Variants in FRAS1 observed in about 807,000 individuals in gnomAD.
The protein encoded by FRAS1 is Fraser extracellular matrix complex subunit 1, also known as extracellular matrix organizing protein FRAS1.
A neutral mutation model predicts 435.2 loss-of-function variants in FRAS1; 290 were observed. That is an observed-to-expected ratio of 0.67 (90% confidence interval 0.61 to 0.73). The LOEUF is 0.73. Ranked by LOEUF, FRAS1 falls within the 30% of genes least tolerant of loss-of-function variation. The pLI, the probability that FRAS1 is intolerant of heterozygous loss-of-function variation, is 0.00. For synonymous variants in FRAS1, 1,800 were observed against 1,851.0 expected, an observed-to-expected ratio of 0.97 and a Z score of 0.71; for missense variants, 4,860 against 5,001.5, an observed-to-expected ratio of 0.97 and a Z score of 0.85.
intron 3 of FRAS1, among the ~76,000 whole-genome samples, chr4:78,241,059 G>C (rs1176716979): frequency 6.6e-6 from 1 of 152,140 alleles, no homozygotes; most frequent in Non-Finnish European, 1.5e-5. Flanking sequence ...GGGGAGCGGA[G>C]ACTGTATTGC....
intron 14 of FRAS1, among the ~76,000 whole-genome samples, chr4:78,297,861 G>A (rs345505): frequency 0.039 from 5,961 of 152,050 alleles, 378 homozygotes; most frequent in African/African-American, 0.14. Context: ...GAGATAAGCT[G>A]TGGTAGCATA....
In FRAS1 at chr4:78,521,528, C is replaced by G; in HGVS notation, c.10546C>G (p.Gln3516Glu). Reference protein sequence around the residue: ...YDTVLWRTGIQTDSVLSARLQ... With the variant: ...YDTVLWRTGIETDSVLSARLQ... ...CTCTCTGCTTTCCTGCCCAGGAATC[C>G]AGACAGACAGCGTGCTCTCTGCAAG... Residue 3516 changes from glutamine (Q) to glutamate (E), a missense_variant, in exon 68 of 74, where the codon CAG (glutamine) becomes GAG (glutamate). Physicochemically the swap from Gln to Glu is conservative, Grantham distance 29 (BLOSUM62 2). Transcript: ENST00000512123. 2 of 1,608,002 alleles carry G rather than the reference C, an allele frequency of 1.2e-6. No homozygotes were observed. The highest frequency in any genetic ancestry group is 1.7e-6 in the Non-Finnish European group (2 of 1,177,224).
intron 20 of FRAS1, among the ~76,000 whole-genome samples, chr4:78,346,464 A>T (rs1388473899): frequency 5.3e-5 from 8 of 152,180 alleles, no homozygotes; most frequent in Admixed American, 4.6e-4. Context: ...CTGGGCTCTG[A>T]ATCCAAGGAG....
chr4:78,354,470 T>G (rs1730771908), intron 20 of FRAS1, among the ~76,000 whole-genome samples: 1 of 152,144 alleles, frequency 6.6e-6, no homozygotes, highest in South Asian at 2.1e-4. Flanking sequence ...GGGAAAGAGA[T>G]AGGATGCTTC....
At position 78,508,916 on chromosome 4, in the gene FRAS1, G is replaced by A. The variant is rs769379523; in HGVS notation, c.9690G>A (p.Trp3230Ter). 6.2e-7 allele frequency: 1 copy of A among 1,613,934 alleles called. No homozygotes were observed. Among genetic ancestry groups the A allele is most frequent in the Non-Finnish European group, 8.5e-7 (1 of 1,179,892 alleles). ...ACCAGACATCTGTGCAGTTCAGCTG[G>A]GAAGTGGCTGCCCCCACTGATGGCA... Reference protein sequence around the residue: ...GINQTSVQFSWEVAAPTDGNG... With the variant: ...GINQTSVQFS Residue 3230 changes from tryptophan (W) to a stop codon, truncating the protein, a stop_gained, in exon 63 of 74, where the codon TGG (tryptophan) becomes TGA (stop). Transcript: ENST00000512123. LOFTEE classifies it high-confidence loss of function.
chr4:78,259,873 T>C (rs1462139037), intron 6 of FRAS1, among the ~76,000 whole-genome samples: 2 of 152,142 alleles, frequency 1.3e-5, no homozygotes, highest in African/African-American at 4.8e-5. Context: ...CCATCTTGAA[T>C]TGATTTTTGT....
Position 78,308,226 on chromosome 4 carries a change from G to C in FRAS1, c.1678+17G>C. ...CCTGTAGCGGTGAGTGCTGGGTTGC[G>C]ATGCTGACGTGTCCTTTCCTTTTTC... is the stretch of plus-strand genomic sequence containing the variant. On this transcript the variant is annotated intron_variant, in intron 15 of 73. Coordinates refer to ENST00000512123, the MANE Select transcript of FRAS1 (RefSeq NM_025074.7). The C allele has an allele frequency of 6.2e-7, 1 of 1,609,708 alleles. No homozygotes were observed. The highest frequency in any genetic ancestry group is 8.5e-7 in the Non-Finnish European group (1 of 1,177,344).
intron 29 of FRAS1, among the ~76,000 whole-genome samples, chr4:78,392,309 G>A (rs1732479437): frequency 6.6e-6 from 1 of 152,090 alleles, no homozygotes; most frequent in Admixed American, 6.6e-5. Flanking sequence ...TACAGAACAA[G>A]TAAAATTATA....
chr4:78,187,878 C>A (rs1295791135), intron 2 of FRAS1, among the ~76,000 whole-genome samples: 1 of 152,196 alleles, frequency 6.6e-6, no homozygotes, highest in African/African-American at 2.4e-5. Context: ...GCTAGGATTG[C>A]AGGCATGAGC....
At chr4:78,406,064 T>G (rs1165474691) in intron 30 of FRAS1, among the ~76,000 whole-genome samples, 1 of 152,186 alleles carries the variant, frequency 6.6e-6, no homozygotes, top group Admixed American at 6.5e-5. Flanking sequence ...CCAATAAAGT[T>G]TAAAGAATGA....
At chr4:78,446,132 T>C in intron 42 of FRAS1, 1 of 1,026,648 alleles carries the variant, frequency 9.7e-7, no homozygotes, top group Non-Finnish European at 1.2e-6. Context: ...CTGTATTTAT[T>C]CTCATTTGAG....
chr4:78,120,753 TAG>T lies in FRAS1; in HGVS notation c.108+54740_108+54741del, dbSNP rs545126588. ...ATAATGATTCACTGCCCGTGAATCA[TAG>T]AGTCTTAGGACACTTAAGCCCAATT... On this transcript the variant is annotated intron_variant, in intron 2 of 73. Transcript: ENST00000512123. Among the ~76,000 whole-genome samples the T allele has an allele frequency of 6.8e-4, 103 of 152,328 alleles. 3 individuals are homozygous for T. Among genetic ancestry groups the T allele is most frequent in the African/African-American group, 2.4e-3 (101 of 41,572 alleles).
chr4:78,098,599 G>C (rs1226522000), intron 2 of FRAS1, among the ~76,000 whole-genome samples: 1 of 152,018 alleles, frequency 6.6e-6, no homozygotes, highest in Non-Finnish European at 1.5e-5. Flanking sequence ...TCTCTTCAAG[G>C]CACCAGATCC....
rs11453256 is a variant in FRAS1 at position 78,284,229 on chromosome 4, A to ATTTTTTTTT, written c.1256-161_1256-153dup. Reference sequence around the variant, plus strand: ...TCCTTGCAATCTTGCATTGGAATGTATTTTTTTTTTTTTTTTTTTTTTTGC... The same window carrying ATTTTTTTTT: ...TCCTTGCAATCTTGCATTGGAATGTATTTTTTTTTTTTTTTTTTTTTTTTTTTTTTTTGC... On this transcript the variant is annotated intron_variant, in intron 12 of 73. Coordinates refer to ENST00000512123, the MANE Select transcript of FRAS1 (RefSeq NM_025074.7). Among the ~76,000 whole-genome samples the ATTTTTTTTT allele has an allele frequency of 3.2e-3, 254 of 80,440 alleles. 1 individual carries two copies. The highest frequency in any genetic ancestry group is 3.4e-3 in the East Asian group (9 of 2,640). 52.8% of individuals were successfully genotyped at this position (80,440 alleles called of 152,430 possible).
chr4:78,448,174 C>T lies in FRAS1; in HGVS notation c.6132C>T (p.Val2044=), dbSNP rs977610760. The change falls in exon 44 of 74, where the codon GTC becomes GTT. Residue 2044 remains valine (V), a synonymous_variant. Coordinates refer to ENST00000512123, the MANE Select transcript of FRAS1 (RefSeq NM_025074.7). ...GGCTGGTTGGGTATGTGCCTAGTGTCCCTGGCATGGTCGTGGATGAGTTCC... is the reference window on the plus strand; with the variant it reads ...GGCTGGTTGGGTATGTGCCTAGTGTTCCTGGCATGGTCGTGGATGAGTTCC... ...LAGLVGYVPS[V]PGMVVDEFQF... 1.4e-5 allele frequency: 23 copies of T among 1,613,508 alleles called. No individual in the cohort carries two copies. Among genetic ancestry groups the T allele is most frequent in the Non-Finnish European group, 1.9e-5 (23 of 1,179,834 alleles).
intron 67 of FRAS1, among the ~76,000 whole-genome samples, 163 bp from the exon 68 acceptor site, chr4:78,521,360 A>G (rs1438800728): frequency 2.0e-5 from 3 of 152,190 alleles, no homozygotes; most frequent in African/African-American, 7.2e-5. Flanking sequence ...CTGTCATACA[A>G]TTTTAATTGG....
intron 14 of FRAS1, among the ~76,000 whole-genome samples, chr4:78,297,600 G>T (rs1270497343): frequency 6.6e-6 from 1 of 151,912 alleles, no homozygotes. Context: ...TGCTCAAGAA[G>T]CCAACCACAT....
chr4:78,237,486 A>C, intron 2 of FRAS1, 24 bp from the exon 3 acceptor site: 1 of 1,560,882 alleles, frequency 6.4e-7, no homozygotes, highest in Non-Finnish European at 8.8e-7. Context: ...CAGTTTTTAA[A>C]TCAGAGCTTA....
At chr4:78,085,616 G>A (rs1741107435) in intron 2 of FRAS1, among the ~76,000 whole-genome samples, 1 of 152,136 alleles carries the variant, frequency 6.6e-6, no homozygotes, top group Non-Finnish European at 1.5e-5. Context: ...TGCCTGGAAT[G>A]AGTCAGCCAA....
Sources: allele counts gnomAD v4.1 joint callset (sites outside exome capture counted in the v4.1 genomes callset), GRCh38; gene constraint gnomAD v4.1.1; transcripts MANE v1.5; gene names NCBI Gene and HGNC (gene_info 2026-07-23, HGNC 2026-07-21).